CNTN5: variants seen among roughly 807,000 people sequenced by gnomAD.
The protein encoded by CNTN5 is contactin 5.
CNTN5 carries 77 observed loss-of-function variants against 129.1 expected under a neutral mutation model. The ratio of observed to expected loss-of-function variants is 0.60; its 90% CI spans 0.50 to 0.72. The LOEUF is 0.72. Among genes scored for constraint, CNTN5 ranks in the 30% least tolerant of loss-of-function variants. The pLI, the probability that CNTN5 is intolerant of heterozygous loss-of-function variation, is 0.00. For synonymous variants in CNTN5, 509 were observed against 465.6 expected (o/e 1.09, Z -1.20); for missense variants, 1,478 against 1,328.8 (o/e 1.11, Z -1.75).
At chr11:99,123,203 AG>A (rs973645273) in intron 1 of CNTN5, among the ~76,000 whole-genome samples, 2 of 151,668 alleles carry the variant, frequency 1.3e-5, no homozygotes, top group Non-Finnish European at 2.9e-5. Context: ...CAACCTCATT[AG>A]CATGTTTTTT....
intron 6 of CNTN5, among the ~76,000 whole-genome samples, chr11:99,863,521 G>A (rs1043579009): frequency 5.9e-5 from 9 of 152,028 alleles, no homozygotes; most frequent in Non-Finnish European, 1.0e-4. Context: ...GTAAGAAACC[G>A]GGAACATCAA....
At chr11:99,261,228 G>A (rs1862613309) in intron 1 of CNTN5, among the ~76,000 whole-genome samples, 1 of 151,892 alleles carries the variant, frequency 6.6e-6, no homozygotes, top group African/African-American at 2.4e-5. Flanking sequence ...AAAATAATAA[G>A]TAATAAGAAA....
intron 1 of CNTN5, among the ~76,000 whole-genome samples, chr11:99,119,506 T>C (rs1565332336): frequency 6.6e-6 from 1 of 152,162 alleles, no homozygotes; most frequent in African/African-American, 2.4e-5. Context: ...TTCCATGATG[T>C]ATATGTAGAT....
intron 1 of CNTN5, among the ~76,000 whole-genome samples, chr11:99,303,280 T>C (rs1864724278): frequency 6.6e-6 from 1 of 151,914 alleles, no homozygotes; most frequent in South Asian, 2.1e-4. Flanking sequence ...ATATCTGGTA[T>C]GCTCATAATT....
chr11:99,944,216 A>G (rs1485550267), intron 7 of CNTN5, among the ~76,000 whole-genome samples: 2 of 152,096 alleles, frequency 1.3e-5, no homozygotes, highest in East Asian at 3.9e-4. Context: ...TGCCCATATG[A>G]GAAAGCAGGA....
At chr11:99,688,977 T>G (rs1231543340) in intron 3 of CNTN5, among the ~76,000 whole-genome samples, 1 of 152,198 alleles carries the variant, frequency 6.6e-6, no homozygotes, top group Non-Finnish European at 1.5e-5. Flanking sequence ...ATGGTATATA[T>G]GTACCATATT....
chr11:99,054,958 G>T (rs973162495), intron 1 of CNTN5, among the ~76,000 whole-genome samples: 29 of 151,946 alleles, frequency 1.9e-4, no homozygotes, highest in Admixed American at 9.9e-4. Context: ...TTTCTGGAAT[G>T]TGAGTCATGC....
chr11:99,625,713 C>G (rs1286308509), intron 3 of CNTN5, among the ~76,000 whole-genome samples: 1 of 151,846 alleles, frequency 6.6e-6, no homozygotes, highest in African/African-American at 2.4e-5. Flanking sequence ...TACATACATC[C>G]CATCACTTTT....
intron 4 of CNTN5, among the ~76,000 whole-genome samples, chr11:99,839,577 G>T (rs1947413730): frequency 6.6e-6 from 1 of 151,944 alleles, no homozygotes. Context: ...AGGAAATAGG[G>T]TTAATACAGA....
intron 8 of CNTN5, among the ~76,000 whole-genome samples, chr11:99,974,182 C>A (rs1371352266): frequency 2.0e-5 from 3 of 152,194 alleles, no homozygotes; most frequent in African/African-American, 7.2e-5. Context: ...AGCAAAACAG[C>A]ATTTTGAGCT....
chr11:100,224,234 T>C (rs1949325806), intron 15 of CNTN5, among the ~76,000 whole-genome samples: 2 of 152,136 alleles, frequency 1.3e-5, no homozygotes, highest in Admixed American at 6.6e-5. Flanking sequence ...TTGCCTACAG[T>C]GTTCTTAGGA....
intron 3 of CNTN5, among the ~76,000 whole-genome samples, chr11:99,754,757 G>GAC (rs1443337973): frequency 6.6e-6 from 1 of 152,108 alleles, no homozygotes; most frequent in Non-Finnish European, 1.5e-5. Context: ...AGCCACATTT[G>GAC]ACACATACTT....
At chr11:100,255,387 CTG>C (rs1950045986) in intron 16 of CNTN5, among the ~76,000 whole-genome samples, 2 of 151,686 alleles carry the variant, frequency 1.3e-5, no homozygotes, top group African/African-American at 4.8e-5. Flanking sequence ...TTTTTTGTCT[CTG>C]TAGCACTGCC....
intron 3 of CNTN5, among the ~76,000 whole-genome samples, chr11:99,781,921 C>G (rs1042759676): frequency 9.2e-5 from 14 of 152,022 alleles, no homozygotes; most frequent in Non-Finnish European, 1.6e-4. Context: ...TGGCAGAAGA[C>G]AGGGATGCCC....
intron 3 of CNTN5, among the ~76,000 whole-genome samples, chr11:99,694,750 A>G (rs999795531): frequency 2.0e-5 from 3 of 151,876 alleles, no homozygotes; most frequent in African/African-American, 7.3e-5. Flanking sequence ...ACTTCTACTT[A>G]TATAAGAGTG....
At chr11:99,882,320 G>A (rs1948791548) in intron 6 of CNTN5, among the ~76,000 whole-genome samples, 1 of 152,062 alleles carries the variant, frequency 6.6e-6, no homozygotes, top group South Asian at 2.1e-4. Context: ...GCATGAAGTG[G>A]GATGAATTTA....
chr11:100,294,871 C>G (rs1460766255), intron 18 of CNTN5, among the ~76,000 whole-genome samples: 1 of 151,558 alleles, frequency 6.6e-6, no homozygotes, highest in Non-Finnish European at 1.5e-5. Context: ...GAGATAATAA[C>G]TGTGTGCCAC....
chr11:99,948,552 TAA>T (rs1950603395), intron 7 of CNTN5, among the ~76,000 whole-genome samples: 1 of 152,212 alleles, frequency 6.6e-6, no homozygotes. Flanking sequence ...CCCATGCATA[TAA>T]ACCTCAATCT....
At chr11:99,961,959 C>T (rs555445120) in intron 8 of CNTN5, among the ~76,000 whole-genome samples, 25 of 150,516 alleles carry the variant, frequency 1.7e-4, no homozygotes, top group African/African-American at 5.9e-4. Context: ...TCGATATATA[C>T]GTAGAGAGAC....
Sources: gnomAD v4.1 joint callset for allele counts (sites outside exome capture counted in the v4.1 genomes callset) on GRCh38, gnomAD v4.1.1 for gene constraint, MANE v1.5 for transcripts, NCBI Gene and HGNC (gene_info 2026-07-23, HGNC 2026-07-21) for gene names.